KCP: variants seen among roughly 807,000 people sequenced by gnomAD.
KCP encodes kielin/chordin-like protein.
Under a neutral mutation model 212.7 loss-of-function variants are expected in KCP, and 194 were observed. That is an observed-to-expected ratio of 0.91 (90% CI 0.81 to 1.03). The LOEUF (loss-of-function observed/expected upper bound fraction) is 1.03, where lower values mean the gene tolerates loss of function less well. Ranked by LOEUF, KCP falls within the 50% of genes least tolerant of loss-of-function variation. The probability of loss-of-function intolerance (pLI) is 0.00; values close to 1 mark genes in which losing one functional copy is unlikely to be tolerated. For missense variants in KCP, 2,080 were observed against 2,162.5 expected, an observed-to-expected ratio of 0.96 and a Z score of 0.76; for synonymous variants, 833 against 865.3, an observed-to-expected ratio of 0.96 and a Z score of 0.65.
rs556089651 is a variant in KCP at position 128,907,273 on chromosome 7, G to C, written c.400C>G (p.His134Asp). The C allele has an allele frequency of 2.0e-6, 3 of 1,532,594 alleles. No homozygotes were observed. The highest frequency in any genetic ancestry group is 2.7e-6 in the Non-Finnish European group (3 of 1,132,020). 94.9% of individuals were successfully genotyped at this position (1,532,594 alleles called of 1,614,324 possible). The change falls in exon 3 of 40, where the codon CAT (histidine) becomes GAT (aspartate). Residue 134 changes from histidine (H) to aspartate (D), a missense_variant. Physicochemically the swap from His to Asp is moderately conservative, Grantham distance 81. Transcript: ENST00000610776. ...AHCGPQAHLPHCRGCSQNGQT... is the reference protein window; with the variant it reads ...AHCGPQAHLPDCRGCSQNGQT... Reference sequence around the variant, plus strand: ...ATAGGGTGGCACTTACCCCTGCAATGGGGCAGGTGTGCTTGGGGGCCACAG... The same window carrying C: ...ATAGGGTGGCACTTACCCCTGCAATCGGGCAGGTGTGCTTGGGGGCCACAG...
intron 5 of KCP, 166 bp from the exon 6 acceptor site, chr7:128,904,304 C>G: frequency 6.4e-7 from 1 of 1,552,512 alleles, no homozygotes; most frequent in Non-Finnish European, 8.7e-7. Flanking sequence ...GATGGGGCAG[C>G]ACTCCCCAGG....
chr7:128,890,828 G>C, intron 20 of KCP, 77 bp downstream of exon 20: 1 of 1,170,106 alleles, frequency 8.5e-7, no homozygotes, highest in Non-Finnish European at 1.1e-6. Context: ...TGGAGGAAGG[G>C]GACTGGGCAG....
chr7:128,907,879 A>G (rs147183833), intron 2 of KCP, among the ~76,000 whole-genome samples: 1,928 of 152,286 alleles, frequency 0.013, 50 homozygotes, highest in African/African-American at 0.044. Flanking sequence ...CTGTAATCCC[A>G]GCACTTGGAG....
chr7:128,906,723 G>T (rs569088770), intron 4 of KCP, among the ~76,000 whole-genome samples: 6 of 152,250 alleles, frequency 3.9e-5, no homozygotes, highest in Non-Finnish European at 8.8e-5. Flanking sequence ...AGGGGGTTCC[G>T]AAGTAGAAGA....
At position 128,892,977 on chromosome 7, in the gene KCP, C is replaced by T; in HGVS notation, c.1312G>A (p.Glu438Lys). 8.8e-7 allele frequency: 1 copy of T among 1,139,638 alleles called. No homozygotes were observed. Among genetic ancestry groups the T allele is most frequent in the Non-Finnish European group, 1.3e-6 (1 of 770,742 alleles). The allele number at this position is 1,139,638 out of a possible 1,614,324, so 70.6% of individuals were successfully genotyped here. A position where few individuals can be genotyped will look rare whatever the true frequency, so the allele number is the denominator to read the frequency against. ...GCGGTGCAGGGCCGACCATCAGGCT[C>T]CCACTGGACTCCCTCAGCAAACTCC... ...GEEFAEGVQW[E>K]PDGRPCTACV... Residue 438 changes from glutamate to lysine, a missense_variant, in exon 14 of 40, where the codon GAG becomes AAG. Glu to Lys is a moderately conservative substitution (Grantham distance 56, BLOSUM62 1). Coordinates refer to ENST00000610776, the MANE Select transcript of KCP (RefSeq NM_001366122.1).
chr7:128,893,846 G>A lies in KCP; in HGVS notation c.1059C>T (p.His353=), dbSNP rs749428911. Reference sequence around the variant, plus strand: ...AGCACTGCCCAGGGATCTTGCCTGGGTGTCTGCAGGGCACTGGCGGGCAGG... The same window carrying A: ...AGCACTGCCCAGGGATCTTGCCTGGATGTCTGCAGGGCACTGGCGGGCAGG... ...PLPCPPVPCR[H]PGKIPGQCCP... is the part of the protein sequence containing the mutation. Residue 353 remains histidine, a synonymous_variant, in exon 11 of 40, where the codon CAC becomes CAT. Coordinates refer to ENST00000610776, the MANE Select transcript of KCP (RefSeq NM_001366122.1). 64 of 1,551,210 alleles carry A rather than the reference G, an allele frequency of 4.1e-5. No individual in the cohort carries two copies. Among genetic ancestry groups the A allele is most frequent in the Non-Finnish European group, 5.6e-5 (64 of 1,147,000 alleles).
Position 128,880,661 on chromosome 7 carries a change from C to T in KCP, c.3574G>A (p.Ala1192Thr), listed in dbSNP as rs1793274214. 2.7e-6 allele frequency: 2 copies of T among 750,080 alleles called. No individual in the cohort carries two copies. The highest frequency in any genetic ancestry group is 3.6e-5 in the African/African-American group (2 of 54,948). The allele number at this position is 750,080 out of a possible 1,614,324, so 46.5% of individuals were successfully genotyped here. A position where few individuals can be genotyped will look rare whatever the true frequency, so the allele number is the denominator to read the frequency against. The change falls in exon 33 of 40, where the codon GCG (alanine) becomes ACG (threonine). Residue 1192 changes from alanine to threonine, a missense_variant. Coordinates refer to ENST00000610776, the MANE Select transcript of KCP (RefSeq NM_001366122.1). ...CAGCTGTCAGCCTGGGGCACCTTCGCCCAGCCATGGGGGCAGGAGAGGGCC... is the reference window on the plus strand; with the variant it reads ...CAGCTGTCAGCCTGGGGCACCTTCGTCCAGCCATGGGGGCAGGAGAGGGCC... ...CQALSCPHGW[A>T]KVPQADSCCE... is the part of the protein sequence containing the mutation.
At chr7:128,891,362 C>T (rs2128947367) in intron 18 of KCP, 84 bp from the exon 19 acceptor site, 5 of 1,546,382 alleles carry the variant, frequency 3.2e-6, no homozygotes, top group Non-Finnish European at 4.4e-6. Context: ...CCACCAGGTC[C>T]CACCCCTCCC....
At chr7:128,891,389 C>T (rs2128947379) in intron 18 of KCP, 62 bp downstream of exon 18, 2 of 1,546,970 alleles carry the variant, frequency 1.3e-6, no homozygotes, top group African/African-American at 1.4e-5. Context: ...GCGGGCCTCT[C>T]CTGGCCTCTG....
rs1479782808 is a variant in KCP at position 128,886,728 on chromosome 7, G to A, written c.2699C>T (p.Ser900Phe). 1 of 1,551,584 alleles carries A rather than the reference G, an allele frequency of 6.4e-7. No individual in the cohort carries two copies. Among genetic ancestry groups the A allele is most frequent in the Non-Finnish European group, 8.7e-7 (1 of 1,146,892 alleles). The change falls in exon 25 of 40, where the codon TCT (serine) becomes TTT (phenylalanine). Residue 900 changes from serine (S) to phenylalanine (F), a missense_variant. Physicochemically the swap from Ser to Phe is radical, Grantham distance 155 (BLOSUM62 -2). Coordinates refer to ENST00000610776, the MANE Select transcript of KCP (RefSeq NM_001366122.1). ...CFCPVCHSCL[S>F]QGREHQDGEE... ...CCCATCCTGGTGCTCCCGGCCCTGAGAGAGACAGCCTGTGGGGGACACACC... is the reference window on the plus strand; with the variant it reads ...CCCATCCTGGTGCTCCCGGCCCTGAAAGAGACAGCCTGTGGGGGACACACC...
At position 128,907,247 on chromosome 7, in the gene KCP, G is replaced by A. The variant is rs1293500295; in HGVS notation, c.409+17C>T. On this transcript the variant is annotated intron_variant, in intron 3 of 39. Transcript: ENST00000610776. ...GGTCTTTAGGTGGCCCCAGTGGGCG[G>A]ATAGGGTGGCACTTACCCCTGCAAT... 2 of 1,536,428 alleles carry A rather than the reference G, an allele frequency of 1.3e-6. No homozygotes were observed. The highest frequency in any genetic ancestry group is 2.7e-5 in the African/African-American group (2 of 72,806).
chr7:128,893,781 C>G, intron 11 of KCP, 25 bp downstream of exon 11: 1 of 1,545,948 alleles, frequency 6.5e-7, no homozygotes, highest in South Asian at 1.2e-5. Context: ...CTGCCCCTCC[C>G]GCAGAGACCC....
Position 128,891,073 on chromosome 7 carries a change from G to A in KCP, c.1996C>T (p.Pro666Ser). The change falls in exon 20 of 40, where the codon CCA (proline) becomes TCA (serine). Residue 666 changes from proline to serine, a missense_variant. By Grantham distance (74) the Pro-to-Ser change is moderately conservative (BLOSUM62 -1). Coordinates refer to ENST00000610776, the MANE Select transcript of KCP (RefSeq NM_001366122.1). ...CGGGCGTGGGCCGCGCCGGGCCGTG[G>A]GCAGCCGGCGGGGGCTGGGGCGGCT... Reference protein sequence around the residue: ...CPAAPAPAGCPRPGAAHARHQ... With the variant: ...CPAAPAPAGCSRPGAAHARHQ... 1 of 1,414,662 alleles carries A rather than the reference G, an allele frequency of 7.1e-7. No individual in the cohort carries two copies. Among genetic ancestry groups the A allele is most frequent in the Non-Finnish European group, 9.2e-7 (1 of 1,091,640 alleles). 87.6% of individuals were successfully genotyped at this position (1,414,662 alleles called of 1,614,324 possible). A position where few individuals can be genotyped will look rare whatever the true frequency, so the allele number is the denominator to read the frequency against.
At chr7:128,882,063 G>C (rs1353515998) in intron 29 of KCP, 47 bp from the exon 30 acceptor site, 1 of 1,439,844 alleles carries the variant, frequency 6.9e-7, no homozygotes, top group Non-Finnish European at 9.5e-7. Context: ...AGGGGCACAG[G>C]GCTGGAAATC....
Position 128,877,039 on chromosome 7 carries a change from T to G in KCP, c.*4A>C, listed in dbSNP as rs1012035812. ...GATGAACCCTTATCAGGCACTGTCC[T>G]GGCTCAGGGTGTCTCCTGGGGCTCC... On this transcript the variant is annotated 3_prime_UTR_variant, in exon 40 of 40. Coordinates refer to ENST00000610776, the MANE Select transcript of KCP (RefSeq NM_001366122.1). The G allele has an allele frequency of 5.9e-6, 9 of 1,534,756 alleles. No individual in the cohort carries two copies. The African/African-American group carries it at 1.3e-4, about 21-fold the overall frequency.
intron 2 of KCP, 64 bp from the exon 3 acceptor site, chr7:128,907,517 G>A: frequency 8.5e-7 from 1 of 1,175,806 alleles, no homozygotes; most frequent in Non-Finnish European, 1.1e-6. Context: ...CAGTAGAGAT[G>A]AGGGGTGTGA....
intron 7 of KCP, 26 bp from the exon 8 acceptor site, chr7:128,902,885 G>A: frequency 6.5e-7 from 1 of 1,528,722 alleles, no homozygotes; most frequent in Non-Finnish European, 8.9e-7. Flanking sequence ...TGAGAAGAGG[G>A]AGGCCTGGTG....
At position 128,879,883 on chromosome 7, in the gene KCP, T is replaced by A. The variant is rs1337029547; in HGVS notation, c.3932+30A>T. 3.2e-6 allele frequency: 5 copies of A among 1,550,766 alleles called. 1 individual carries two copies. In the South Asian group the frequency reaches 6.0e-5, roughly 18 times the overall value. On this transcript the variant is annotated intron_variant, in intron 35 of 39. Coordinates refer to ENST00000610776, the MANE Select transcript of KCP (RefSeq NM_001366122.1). ...TGGTCAGCAGGGCTGGGTGTAGGGGTTGGGGAGAAGAGAGACAGGGGATGC... is the reference window on the plus strand; with the variant it reads ...TGGTCAGCAGGGCTGGGTGTAGGGGATGGGGAGAAGAGAGACAGGGGATGC...
At chr7:128,904,784 G>A (rs966724537) in intron 5 of KCP, among the ~76,000 whole-genome samples, 8 of 152,376 alleles carry the variant, frequency 5.3e-5, no homozygotes, top group African/African-American at 1.7e-4. Flanking sequence ...CACCATTCAC[G>A]TGACAGACAT....
Sources: allele counts gnomAD v4.1 joint callset (sites outside exome capture counted in the v4.1 genomes callset), GRCh38; gene constraint gnomAD v4.1.1; transcripts MANE v1.5; gene names NCBI Gene and HGNC (gene_info 2026-07-23, HGNC 2026-07-21).